Variants in PHIP observed in about 807,000 individuals in gnomAD.
PHIP encodes the protein PH-interacting protein.
A neutral mutation model predicts 236.8 loss-of-function variants in PHIP; 54 were observed. That is an observed-to-expected ratio of 0.23 (90% CI 0.18 to 0.29). The LOEUF (loss-of-function observed/expected upper bound fraction) is 0.29. PHIP is among the 10% of genes least tolerant of loss of function. The probability of loss-of-function intolerance (pLI) is 1.00; values close to 1 mark genes in which losing one functional copy is unlikely to be tolerated. For missense variants in PHIP, 1,370 were observed against 2,190.8 expected (o/e 0.63, Z 7.48); for synonymous variants, 756 against 718.9 (o/e 1.05, Z -0.83).
intron 19 of PHIP, among the ~76,000 whole-genome samples, chr6:78,992,231 G>A (rs1373469922): frequency 2.6e-5 from 4 of 151,996 alleles, no homozygotes; most frequent in African/African-American, 9.7e-5. Context: ...CCAAAGTGCT[G>A]GGATTACAGG....
chr6:79,012,086 AAAAG>A (rs1770607187), intron 15 of PHIP, among the ~76,000 whole-genome samples: 1 of 151,714 alleles, frequency 6.6e-6, no homozygotes, highest in Non-Finnish European at 1.5e-5. Flanking sequence ...AAATTTCAAA[AAAAG>A]AATTTACATT....
chr6:78,991,439 C>A (rs1769239786), intron 19 of PHIP, among the ~76,000 whole-genome samples: 2 of 151,990 alleles, frequency 1.3e-5, no homozygotes, highest in South Asian at 4.1e-4. Context: ...GAACTACACT[C>A]TTTCCAGAGA....
intron 4 of PHIP, among the ~76,000 whole-genome samples, chr6:79,061,915 T>C (rs892507940): frequency 6.6e-6 from 1 of 151,080 alleles, no homozygotes; most frequent in Non-Finnish European, 1.5e-5. Flanking sequence ...CAGAAATCCA[T>C]GAATGATATG....
intron 27 of PHIP, among the ~76,000 whole-genome samples, chr6:78,967,129 A>G (rs1193105867): frequency 3.9e-5 from 6 of 152,214 alleles, no homozygotes; most frequent in Non-Finnish European, 7.3e-5. Flanking sequence ...AAAGGATTTA[A>G]AAGTTTATAA....
chr6:79,065,080 C>T (rs1773559162), intron 4 of PHIP, among the ~76,000 whole-genome samples: 1 of 152,176 alleles, frequency 6.6e-6, no homozygotes, highest in Non-Finnish European at 1.5e-5. Context: ...AATATCCAAG[C>T]AGTCACCAAG....
intron 4 of PHIP, among the ~76,000 whole-genome samples, chr6:79,070,607 A>G (rs1240209638): frequency 2.6e-5 from 4 of 152,202 alleles, no homozygotes; most frequent in Non-Finnish European, 5.9e-5. Flanking sequence ...AGACCATGAC[A>G]CATGACCATG....
intron 6 of PHIP, among the ~76,000 whole-genome samples, chr6:79,055,087 C>T (rs1773003444): frequency 6.6e-6 from 1 of 151,872 alleles, no homozygotes; most frequent in Admixed American, 6.6e-5. Context: ...TCACACAAAA[C>T]TGCAGAACTT....
In PHIP at chr6:78,958,327, A is replaced by G. The variant is rs1766559649; in HGVS notation, c.3782+148T>C. The G allele has an allele frequency of 7.5e-6, 4 of 530,278 alleles. 1 individual carries two copies. In the South Asian group the frequency reaches 1.3e-4, roughly 17 times the overall value. 32.8% of individuals were successfully genotyped at this position (530,278 alleles called of 1,614,324 possible). A position where few individuals can be genotyped will look rare whatever the true frequency, so the allele number is the denominator to read the frequency against. On this transcript the variant is annotated intron_variant, in intron 32 of 39. Coordinates refer to ENST00000275034, the MANE Select transcript of PHIP (RefSeq NM_017934.7). ...CCAGGATCAAACCAGAGACCTTTAG[A>G]TCTTCAGTCTAATGCTCTCCCAGCT...
intron 32 of PHIP, 129 bp downstream of exon 32, chr6:78,958,346 C>T (rs1766562047): frequency 3.3e-6 from 2 of 608,626 alleles, no homozygotes; most frequent in Admixed American, 3.0e-5. Flanking sequence ...CTAATGCTCT[C>T]CCAGCTGAGC....
intron 24 of PHIP, among the ~76,000 whole-genome samples, chr6:78,974,126 G>C (rs1767848839): frequency 6.6e-6 from 1 of 151,786 alleles, no homozygotes; most frequent in South Asian, 2.1e-4. Context: ...ATACTTGGAA[G>C]TAAAGCTCTC....
chr6:79,007,939 A>G (rs1770373938), intron 15 of PHIP, among the ~76,000 whole-genome samples: 1 of 152,048 alleles, frequency 6.6e-6, no homozygotes, highest in Admixed American at 6.6e-5. Flanking sequence ...TCAGATGTAT[A>G]TTTGAAATAA....
Position 79,001,793 on chromosome 6 carries a change from A to C in PHIP, c.1879+106T>G, listed in dbSNP as rs541573521. 8.7e-6 allele frequency: 6 copies of C among 686,750 alleles called. No homozygotes were observed. The African/African-American group carries it at 1.1e-4, about 12-fold the overall frequency. The allele number at this position is 686,750 out of a possible 1,614,324, so 42.5% of individuals were successfully genotyped here. ...GTATAAAAGTATAAAACATACTTTT[A>C]CTTCTTATCCACTTAACAACTGCAA... On this transcript the variant is annotated intron_variant, in intron 17 of 39. Coordinates refer to ENST00000275034, the MANE Select transcript of PHIP (RefSeq NM_017934.7).
At chr6:78,994,872 A>G (rs1769508875) in intron 19 of PHIP, among the ~76,000 whole-genome samples, 1 of 152,202 alleles carries the variant, frequency 6.6e-6, no homozygotes, top group Admixed American at 6.5e-5. Flanking sequence ...AGCAGTAAAG[A>G]ATTTTCAAAT....
At chr6:78,993,682 C>T (rs1769417219) in intron 19 of PHIP, among the ~76,000 whole-genome samples, 1 of 152,134 alleles carries the variant, frequency 6.6e-6, no homozygotes, top group Non-Finnish European at 1.5e-5. Context: ...ACCTACTACT[C>T]GGAAAACATG....
At position 78,935,826 on chromosome 6, in the gene PHIP, A is replaced by C. The variant is rs1773253497; in HGVS notation, c.*4867T>G. 1.2e-6 allele frequency: 1 copy of C among 802,818 alleles called. No homozygotes were observed. 49.7% of individuals were successfully genotyped at this position (802,818 alleles called of 1,614,324 possible). A position where few individuals can be genotyped will look rare whatever the true frequency, so the allele number is the denominator to read the frequency against. ...CTAAGTGCTTTATGTGATGCCAAAA[A>C]ACTTTAAAAAGCAAATAATAAATCA... is the stretch of plus-strand genomic sequence containing the variant. On this transcript the variant is annotated 3_prime_UTR_variant, in exon 40 of 40. Coordinates refer to ENST00000275034, the MANE Select transcript of PHIP (RefSeq NM_017934.7).
rs1332715257 is a variant in PHIP, at chr6:78,997,915, T to A, written c.2018-318A>T. ...GAAGCAAACTAGACAAACCCAAGAGTATTAATGGTTCATAAATTTGTTTTG... is the reference window on the plus strand; with the variant it reads ...GAAGCAAACTAGACAAACCCAAGAGAATTAATGGTTCATAAATTTGTTTTG... On this transcript the variant is annotated intron_variant, in intron 18 of 39. Transcript: ENST00000275034. Among the ~76,000 whole-genome samples the A allele has an allele frequency of 2.0e-5, 3 of 152,084 alleles. No individual in the cohort carries two copies. In the South Asian group the frequency reaches 6.2e-4, roughly 32 times the overall value.
At chr6:79,049,277 G>A (rs1772668519) in intron 6 of PHIP, among the ~76,000 whole-genome samples, 1 of 151,988 alleles carries the variant, frequency 6.6e-6, no homozygotes, top group Non-Finnish European at 1.5e-5. Context: ...GGTCAGGCTG[G>A]TCTCGAACTC....
chr6:78,947,471 A>G (rs1457786183), intron 36 of PHIP, 152 bp downstream of exon 36: 7 of 526,206 alleles, frequency 1.3e-5, no homozygotes, highest in Non-Finnish European at 2.0e-5. Flanking sequence ...GGAGCTGAGT[A>G]GAAAGGTATA....
chr6:79,057,238 G>A (rs1671401256), intron 6 of PHIP, among the ~76,000 whole-genome samples: 1 of 152,050 alleles, frequency 6.6e-6, no homozygotes, highest in African/African-American at 2.4e-5. Context: ...ACAGTAAGGA[G>A]TCCAATAAAA....
Sources: allele counts gnomAD v4.1 joint callset (sites outside exome capture counted in the v4.1 genomes callset), GRCh38; gene constraint gnomAD v4.1.1; transcripts MANE v1.5; gene names NCBI Gene and HGNC (gene_info 2026-07-23, HGNC 2026-07-21).